Variants in KDM2B observed in about 807,000 individuals in gnomAD.
The protein encoded by KDM2B is lysine-specific demethylase 2B.
A neutral mutation model predicts 150.0 loss-of-function variants in KDM2B; 26 were observed. The ratio of observed to expected loss-of-function variants is 0.17; its 90% CI spans 0.13 to 0.24. The LOEUF (loss-of-function observed/expected upper bound fraction) is 0.24. Ranked by LOEUF, KDM2B falls within the 10% of genes least tolerant of loss-of-function variation. The pLI, the probability that KDM2B is intolerant of heterozygous loss-of-function variation, is 1.00. For synonymous variants in KDM2B, 734 were observed against 729.5 expected (o/e 1.01, Z -0.10); for missense variants, 1,265 against 1,816.9 (o/e 0.70, Z 5.52).
chr12:121,441,000 G>A (rs782766176), intron 20 of KDM2B, 23 bp from the exon 21 acceptor site: 1 of 1,612,818 alleles, frequency 6.2e-7, no homozygotes, highest in Admixed American at 1.7e-5. Flanking sequence ...AGAAAAGGGT[G>A]AAGGTCAGGG....
At chr12:121,463,637 A>G (rs1593836203) in intron 12 of KDM2B, among the ~76,000 whole-genome samples, 1 of 152,274 alleles carries the variant, frequency 6.6e-6, no homozygotes, top group Non-Finnish European at 1.5e-5. Flanking sequence ...CTGGAATGCA[A>G]TGGGGCCATC....
At chr12:121,568,789 CTGCATGTATATTA>C (rs1157735035) in intron 4 of KDM2B, among the ~76,000 whole-genome samples, 12 of 146,260 alleles carry the variant, frequency 8.2e-5, no homozygotes, top group African/African-American at 2.8e-4. Context: ...GTGCACTTTT[CTGCATGTATATTA>C]TACTTCAATG....
chr12:121,515,718 C>CA (rs1427943088), intron 9 of KDM2B, among the ~76,000 whole-genome samples: 5 of 151,980 alleles, frequency 3.3e-5, no homozygotes, highest in African/African-American at 1.2e-4. Flanking sequence ...TCCTGGCTCT[C>CA]ACTCAGCTCC....
intron 22 of KDM2B, among the ~76,000 whole-genome samples, chr12:121,436,170 T>G (rs1873937353): frequency 6.6e-6 from 1 of 152,180 alleles, no homozygotes; most frequent in Admixed American, 6.5e-5. Context: ...ACTTTTGACT[T>G]ATAAAAACAG....
chr12:121,420,105 G>A, the KDM2B span: 2 of 748,976 alleles, frequency 2.7e-6, no homozygotes, highest in Non-Finnish European at 4.4e-6. Flanking sequence ...TTTTGGAAGG[G>A]TCAGCAGCAT....
intron 8 of KDM2B, among the ~76,000 whole-genome samples, chr12:121,526,797 C>A (rs782666731): frequency 6.6e-6 from 1 of 151,922 alleles, no homozygotes; most frequent in Admixed American, 6.6e-5. Context: ...TTGGGGAGGC[C>A]GAGGCGGGCC....
At chr12:121,511,240 C>T (rs971095796) in intron 10 of KDM2B, among the ~76,000 whole-genome samples, 8 of 149,172 alleles carry the variant, frequency 5.4e-5, no homozygotes, top group East Asian at 3.9e-4. Flanking sequence ...GAACTCCTAA[C>T]GTCAGGGATC....
At position 121,545,571 on chromosome 12, in the gene KDM2B, C is replaced by T. The variant is rs376105323; in HGVS notation, c.683+3306G>A. Among the ~76,000 whole-genome samples, 467 of 152,186 alleles carry T rather than the reference C, an allele frequency of 3.1e-3. 4 individuals carry two copies. Among genetic ancestry groups the T allele is most frequent in the South Asian group, 0.03 (144 of 4,824 alleles). On this transcript the variant is annotated intron_variant, in intron 6 of 22. Transcript: ENST00000377071. ...TGAAACTGAAATCTGTGTCACCCAGCGCAGTCTCTTTTGCATTCCTAAATC... is the reference window on the plus strand; with the variant it reads ...TGAAACTGAAATCTGTGTCACCCAGTGCAGTCTCTTTTGCATTCCTAAATC...
At chr12:121,557,808 T>C (rs1445855523) in intron 4 of KDM2B, among the ~76,000 whole-genome samples, 1 of 152,188 alleles carries the variant, frequency 6.6e-6, no homozygotes, top group African/African-American at 2.4e-5. Context: ...TGTGGTACTT[T>C]GTTATGACAG....
intron 12 of KDM2B, among the ~76,000 whole-genome samples, chr12:121,483,925 C>T (rs1555298341): frequency 2.0e-5 from 3 of 152,188 alleles, no homozygotes; most frequent in Middle Eastern, 3.4e-3. Flanking sequence ...GGCCTCGATG[C>T]AGCCAAGCCC....
chr12:121,443,099 C>G, intron 17 of KDM2B, 69 bp from the exon 18 acceptor site: 1 of 1,451,770 alleles, frequency 6.9e-7, no homozygotes. Flanking sequence ...CTCGACACCC[C>G]ACCCCACCAC....
the KDM2B span, among the ~76,000 whole-genome samples, chr12:121,422,489 C>T: frequency 6.6e-6 from 1 of 152,220 alleles, no homozygotes; most frequent in Non-Finnish European, 1.5e-5. Context: ...TCCCATAGAT[C>T]CTTTCTCCCC....
the KDM2B span, chr12:121,417,636 G>T: frequency 3.1e-6 from 5 of 1,614,118 alleles, no homozygotes; most frequent in Non-Finnish European, 4.2e-6. The surrounding 1 kb of genome is among the most constrained non-coding windows in gnomAD (Gnocchi z 5.0). Flanking sequence ...GCGACTGAAG[G>T]TGAAGGACCT....
chr12:121,444,068 G>T lies in KDM2B; in HGVS notation c.2395C>A (p.His799Asn), dbSNP rs1875690949. ...TCGTATTTCCGCTTCTTCCTCAGGT[G>T]CACGTCGTCAGACTTTCTGCGCAGA... Reference protein sequence around the residue: ...GLLRRKSDDVHLRKKRKYEKP... With the variant: ...GLLRRKSDDVNLRKKRKYEKP... The change falls in exon 16 of 23, where the codon CAC (histidine) becomes AAC (asparagine). Residue 799 changes from histidine (H) to asparagine (N), a missense_variant. Physicochemically the swap from His to Asn is moderately conservative, Grantham distance 68. Around this residue, in one of 11 missense-constraint regions of KDM2B, gnomAD observed 418 missense variants for 402.4 expected, o/e 1.04. Coordinates refer to ENST00000377071, the MANE Select transcript of KDM2B (RefSeq NM_032590.5). The T allele has an allele frequency of 6.2e-7, 1 of 1,613,916 alleles. No homozygotes were observed. Among genetic ancestry groups the T allele is most frequent in the East Asian group, 2.2e-5 (1 of 44,878 alleles).
chr12:121,450,398 AAGAC>A (rs781834853), intron 13 of KDM2B, among the ~76,000 whole-genome samples: 21 of 152,046 alleles, frequency 1.4e-4, no homozygotes, highest in Non-Finnish European at 2.8e-4. Context: ...TTCTCCAAAG[AAGAC>A]AGACAAACAG....
At chr12:121,551,920 A>G (rs1282806783) in intron 4 of KDM2B, among the ~76,000 whole-genome samples, 1 of 152,204 alleles carries the variant, frequency 6.6e-6, no homozygotes, top group Non-Finnish European at 1.5e-5. Flanking sequence ...ACAAAAAAAG[A>G]AAGTAACACC....
intron 6 of KDM2B, 78 bp downstream of exon 6, chr12:121,548,799 G>A: frequency 2.8e-6 from 3 of 1,059,824 alleles, no homozygotes; most frequent in Non-Finnish European, 4.4e-6. Flanking sequence ...ATGGCCAGGA[G>A]CCTCCTTCCC....
At chr12:121,554,618 C>G (rs1467232291) in intron 4 of KDM2B, among the ~76,000 whole-genome samples, 1 of 152,026 alleles carries the variant, frequency 6.6e-6, no homozygotes, top group Non-Finnish European at 1.5e-5. Context: ...ACCATGTTGT[C>G]CAGGCTGGTC....
At position 121,430,645 on chromosome 12, in the gene KDM2B, A is replaced by G. The variant is rs531179198; in HGVS notation, c.3830-176T>C. ...AAAATCTCTCTTCTTCAAACGGGGA[A>G]GGGTCTCACCCGCCAGGTATAAAGG... On this transcript the variant is annotated intron_variant, in intron 22 of 22. Coordinates refer to ENST00000377071, the MANE Select transcript of KDM2B (RefSeq NM_032590.5). This position sits in a 1 kb window ranked among gnomAD's most constrained non-coding sequence, Gnocchi z 4.4. The G allele has an allele frequency of 1.3e-4, 78 of 605,496 alleles. 2 individuals are homozygous for G. In the Middle Eastern group the frequency reaches 3.9e-3, roughly 31 times the overall value. The allele number at this position is 605,496 out of a possible 1,614,324, so 37.5% of individuals were successfully genotyped here.
Sources: allele counts gnomAD v4.1 joint callset (sites outside exome capture counted in the v4.1 genomes callset), GRCh38; gene constraint gnomAD v4.1.1; regional missense constraint gnomAD v4.1.1; non-coding constraint Gnocchi (gnomAD v3.1); transcripts MANE v1.5; gene names NCBI Gene and HGNC (gene_info 2026-07-23, HGNC 2026-07-21).